Variants in CMIP observed in about 807,000 individuals in gnomAD.
The protein encoded by CMIP is c-Maf inducing protein.
CMIP carries 13 observed loss-of-function variants against 97.3 expected under a neutral mutation model. The ratio of observed to expected loss-of-function variants is 0.13; its 90% CI spans 0.09 to 0.21. CMIP has a LOEUF of 0.21. CMIP is among the 10% of genes least tolerant of loss of function. The pLI, the probability that CMIP is intolerant of heterozygous loss-of-function variation, is 1.00. For missense variants in CMIP, 847 were observed against 1,024.9 expected (o/e 0.83, Z 2.37); for synonymous variants, 538 against 436.3 (o/e 1.23, Z -2.91).
intron 2 of CMIP, 68 bp from the exon 3 acceptor site, chr16:81,620,808 G>A: frequency 1.9e-6 from 3 of 1,590,812 alleles, no homozygotes; most frequent in Non-Finnish European, 2.6e-6. Context: ...TCACATGCTG[G>A]CCTTGAAATG....
At chr16:81,610,887 A>G (rs1374289730) in intron 2 of CMIP, among the ~76,000 whole-genome samples, 1 of 152,132 alleles carries the variant, frequency 6.6e-6, no homozygotes, top group Non-Finnish European at 1.5e-5. Context: ...ATACTGTATT[A>G]GATCCCAGAG....
At chr16:81,597,070 G>C (rs2091569246) in intron 1 of CMIP, among the ~76,000 whole-genome samples, 1 of 152,154 alleles carries the variant, frequency 6.6e-6, no homozygotes, top group African/African-American at 2.4e-5. Flanking sequence ...TGGTCATTTG[G>C]GTAGTTTCTA....
At chr16:81,449,290 T>G (rs552324783) in intron 1 of CMIP, among the ~76,000 whole-genome samples, 2 of 152,316 alleles carry the variant, frequency 1.3e-5, no homozygotes, top group South Asian at 4.1e-4. Context: ...TGTTTTTAAA[T>G]TTTCACCACT....
chr16:81,555,432 A>G (rs2090742356), intron 1 of CMIP, among the ~76,000 whole-genome samples: 1 of 152,220 alleles, frequency 6.6e-6, no homozygotes, highest in Non-Finnish European at 1.5e-5. Flanking sequence ...TGCTCTCAGC[A>G]GGGAATGGGG....
intron 14 of CMIP, 92 bp from the exon 15 acceptor site, chr16:81,699,593 G>C (rs540791606): frequency 8.9e-6 from 7 of 790,874 alleles, no homozygotes; most frequent in Non-Finnish European, 1.3e-5. Flanking sequence ...AGGCAGGTCT[G>C]TTCAACGGCT....
chr16:81,657,344 G>T (rs1441039136), intron 4 of CMIP, among the ~76,000 whole-genome samples: 1 of 152,172 alleles, frequency 6.6e-6, no homozygotes, highest in East Asian at 1.9e-4. Flanking sequence ...AGGCTGCCTG[G>T]CACAGATTAG....
intron 3 of CMIP, among the ~76,000 whole-genome samples, chr16:81,642,325 A>G (rs2092316246): frequency 6.6e-6 from 1 of 152,092 alleles, no homozygotes; most frequent in Admixed American, 6.5e-5. Context: ...CTGCCCCTCC[A>G]TAGAGACAGT....
At chr16:81,647,137 A>G (rs561872297) in intron 3 of CMIP, among the ~76,000 whole-genome samples, 2 of 152,262 alleles carry the variant, frequency 1.3e-5, no homozygotes, top group East Asian at 1.9e-4. Flanking sequence ...GTCATTTTCT[A>G]TTACAGCCAT....
intron 2 of CMIP, chr16:81,619,004 G>A (rs1368907264): frequency 6.6e-6 from 1 of 152,310 alleles, no homozygotes; most frequent in Non-Finnish European, 1.5e-5. Context: ...CTCTCCAGGG[G>A]GCTGTTTCTC....
chr16:81,597,374 G>C (rs761178597), intron 1 of CMIP, among the ~76,000 whole-genome samples: 2 of 152,172 alleles, frequency 1.3e-5, no homozygotes, highest in African/African-American at 4.8e-5. Flanking sequence ...CTAGTTGCCT[G>C]TAGACAAAGG....
intron 1 of CMIP, among the ~76,000 whole-genome samples, chr16:81,479,746 G>A (rs764680601): frequency 6.6e-6 from 1 of 151,944 alleles, no homozygotes; most frequent in Non-Finnish European, 1.5e-5. Context: ...CCAAAACATC[G>A]TCACCCCAGA....
rs1254249434 is a variant in CMIP, at chr16:81,504,660, A to AG, written c.300+59119_300+59120insG. Among the ~76,000 whole-genome samples the AG allele has an allele frequency of 9.3e-3, 1,290 of 139,408 alleles. 17 individuals are homozygous for AG. Among genetic ancestry groups the AG allele is most frequent in the Non-Finnish European group, 0.015 (990 of 64,860 alleles). 91.5% of individuals were successfully genotyped at this position (139,408 alleles called of 152,430 possible). On this transcript the variant is annotated intron_variant, in intron 1 of 20. Transcript: ENST00000537098. Reference sequence around the variant, plus strand: ...TCGTCTCAAAAAAAAAAAAAAAAAAAAAAAAAGAAAAGAAAAGAAAAAATG... The same window carrying AG: ...TCGTCTCAAAAAAAAAAAAAAAAAAAGAAAAAAGAAAAGAAAAGAAAAAATG...
chr16:81,548,471 T>C (rs1032340329), intron 1 of CMIP, among the ~76,000 whole-genome samples: 14 of 151,962 alleles, frequency 9.2e-5, no homozygotes, highest in African/African-American at 3.4e-4. Context: ...CTGGGCATGG[T>C]AGGACATTTG....
chr16:81,515,173 C>T (rs1394116277), intron 1 of CMIP, among the ~76,000 whole-genome samples: 2 of 152,204 alleles, frequency 1.3e-5, no homozygotes, highest in Non-Finnish European at 1.5e-5. Flanking sequence ...AAGCATGACT[C>T]CAGCAGAGAG....
At chr16:81,450,811 G>A (rs1003828749) in intron 1 of CMIP, among the ~76,000 whole-genome samples, 1 of 152,182 alleles carries the variant, frequency 6.6e-6, no homozygotes, top group African/African-American at 2.4e-5. Flanking sequence ...GATTTGATTA[G>A]TATAACAAGG....
At chr16:81,640,737 C>CGTGTGTGT (rs1567627570) in intron 3 of CMIP, among the ~76,000 whole-genome samples, 20 of 76,040 alleles carry the variant, frequency 2.6e-4, no homozygotes, top group African/African-American at 5.1e-4. Flanking sequence ...CTCTCTGGAG[C>CGTGTGTGT]ATGTGTGTGT....
intron 3 of CMIP, chr16:81,645,729 G>A: frequency 4.7e-6 from 5 of 1,064,454 alleles, no homozygotes; most frequent in African/African-American, 1.6e-5. Context: ...GGGCTCGGAT[G>A]TGGGGAGCCC....
intron 1 of CMIP, chr16:81,476,108 G>A (rs117788931): frequency 1.2e-6 from 1 of 843,898 alleles, no homozygotes; most frequent in Non-Finnish European, 2.0e-6. Context: ...GGCCTCCACA[G>A]TCTTCACGTC....
chr16:81,499,873 C>T (rs2089564094), intron 1 of CMIP, among the ~76,000 whole-genome samples: 1 of 152,258 alleles, frequency 6.6e-6, no homozygotes. Flanking sequence ...TCAGCCCGGG[C>T]GAGACTCTCC....
Sources: gnomAD v4.1 joint callset for allele counts (sites outside exome capture counted in the v4.1 genomes callset) on GRCh38, gnomAD v4.1.1 for gene constraint, MANE v1.5 for transcripts, NCBI Gene and HGNC (gene_info 2026-07-23, HGNC 2026-07-21) for gene names.